AGAP1: variants seen among roughly 807,000 people sequenced by gnomAD.
AGAP1 encodes the protein ArfGAP with GTPase domain, ankyrin repeat and PH domain 1, also known as arf-GAP with GTPase, ANK repeat and PH domain-containing protein 1.
AGAP1 carries 29 observed loss-of-function variants against 105.3 expected under a neutral mutation model. The ratio of observed to expected loss-of-function variants is 0.28; its 90% confidence interval spans 0.21 to 0.38. AGAP1 has a LOEUF of 0.38. AGAP1 is among the 10% of genes least tolerant of loss of function. AGAP1 has a pLI of 1.00. For synonymous variants in AGAP1, 509 were observed against 485.9 expected (o/e 1.05, Z -0.63); for missense variants, 998 against 1,165.1 (o/e 0.86, Z 2.09).
chr2:235,791,527 G>A (rs978722553), intron 6 of AGAP1, among the ~76,000 whole-genome samples: 7 of 151,952 alleles, frequency 4.6e-5, no homozygotes, highest in Non-Finnish European at 1.0e-4. Flanking sequence ...TAAACAATAA[G>A]ATGGCACGTT....
intron 6 of AGAP1, among the ~76,000 whole-genome samples, chr2:235,761,007 C>A (rs571741470): frequency 3.3e-5 from 5 of 152,272 alleles, no homozygotes; most frequent in East Asian, 1.9e-4. Context: ...GTGCTCCATA[C>A]GCTACAGATG....
chr2:236,018,637 G>T (rs1378581826), intron 13 of AGAP1, among the ~76,000 whole-genome samples: 1 of 152,188 alleles, frequency 6.6e-6, no homozygotes, highest in African/African-American at 2.4e-5. Context: ...GAAACAAGGG[G>T]GCATTTCTTG....
At chr2:235,849,971 T>C (rs1961999011) in intron 9 of AGAP1, among the ~76,000 whole-genome samples, 1 of 152,210 alleles carries the variant, frequency 6.6e-6, no homozygotes, top group Admixed American at 6.5e-5. Flanking sequence ...GCCTTCTTCA[T>C]AGCCTCTTCC....
chr2:236,033,917 G>A (rs778365835), intron 13 of AGAP1, among the ~76,000 whole-genome samples: 2 of 152,214 alleles, frequency 1.3e-5, no homozygotes, highest in Non-Finnish European at 2.9e-5. Context: ...AATAAATGCT[G>A]ATCAGAGGGA....
At position 235,801,095 on chromosome 2, in the gene AGAP1, C is replaced by G. The variant is rs574660267; in HGVS notation, c.957+1573C>G. 2.0e-3 allele frequency among the ~76,000 whole-genome samples: 301 copies of G among 152,308 alleles called. 2 individuals are homozygous for G. The highest frequency in any genetic ancestry group is 6.8e-3 in the African/African-American group (284 of 41,558). On this transcript the variant is annotated intron_variant, in intron 8 of 17. Transcript: ENST00000304032. This position sits in a 1 kb window ranked among gnomAD's most constrained non-coding sequence, Gnocchi z 6.0. ...AGGCGGTTGCCAGCTGCACACACCC[C>G]CTCGTCCCCAGCCTCCCCTTGCTTT...
intron 6 of AGAP1, among the ~76,000 whole-genome samples, chr2:235,797,254 T>C (rs1467191531): frequency 2.6e-5 from 4 of 152,084 alleles, no homozygotes; most frequent in Non-Finnish European, 5.9e-5. Flanking sequence ...TTAAATGAGA[T>C]AGGTGTGTAT....
chr2:235,997,919 G>A (rs1216867456), intron 13 of AGAP1, among the ~76,000 whole-genome samples: 1 of 152,060 alleles, frequency 6.6e-6, no homozygotes, highest in Non-Finnish European at 1.5e-5. Flanking sequence ...CGGGGTCTCG[G>A]AGGCTGGTGT....
Position 235,620,600 on chromosome 2 carries a change from TC to T in AGAP1, c.164-88577del, listed in dbSNP as rs1049700185. On this transcript the variant is annotated intron_variant, in intron 1 of 17. Coordinates refer to ENST00000304032, the MANE Select transcript of AGAP1 (RefSeq NM_001037131.3). This position sits in a 1 kb window ranked among gnomAD's most constrained non-coding sequence, Gnocchi z 4.5. ...GAGGACCCTCCGTGGCACCTGGCCTTCCTCCCAGCCACAGCCCCTCCTCCTC... is the reference window on the plus strand; with the variant it reads ...GAGGACCCTCCGTGGCACCTGGCCTTCTCCCAGCCACAGCCCCTCCTCCTC... 6.6e-6 allele frequency among the ~76,000 whole-genome samples: 1 copy of T among 152,110 alleles called. No individual in the cohort carries two copies. The highest frequency in any genetic ancestry group is 2.4e-5 in the African/African-American group (1 of 41,444).
Position 236,040,651 on chromosome 2 carries a change from A to G in AGAP1, c.1801-100A>G, listed in dbSNP as rs147266396. ...TGTTTAGAAATTACCCTCGTCCTAC[A>G]TTTGCTCCCAATCTGTTTGATCTTT... On this transcript the variant is annotated intron_variant, in intron 14 of 17. Transcript: ENST00000304032. This position sits in a 1 kb window ranked among gnomAD's most constrained non-coding sequence, Gnocchi z 5.6. 6.5e-5 allele frequency: 72 copies of G among 1,102,274 alleles called. 1 individual carries two copies. Among genetic ancestry groups the G allele is most frequent in the African/African-American group, 4.7e-4 (30 of 64,174 alleles). The allele number at this position is 1,102,274 out of a possible 1,614,324, so 68.3% of individuals were successfully genotyped here.
chr2:235,494,878 G>A, intron 1 of AGAP1, 29 bp downstream of exon 1: 1 of 1,547,114 alleles, frequency 6.5e-7, no homozygotes, highest in Non-Finnish European at 8.7e-7. Flanking sequence ...TGGGGCCTCG[G>A]GAAGGCACGG....
At position 236,095,603 on chromosome 2, in the gene AGAP1, T is replaced by C. The variant is rs2059173026; in HGVS notation, c.2115-24589T>C. On this transcript the variant is annotated intron_variant, in intron 16 of 17. Transcript: ENST00000304032. This position sits in a 1 kb window ranked among gnomAD's most constrained non-coding sequence, Gnocchi z 4.1. ...AAAATCTAACAGGAAATTCTCATGT[T>C]GGTAGATATTGACATAGGCAGTGCT... Among the ~76,000 whole-genome samples, 1 of 152,216 alleles carries C rather than the reference T, an allele frequency of 6.6e-6. No individual in the cohort carries two copies. Among genetic ancestry groups the C allele is most frequent in the Admixed American group, 6.5e-5 (1 of 15,284 alleles).
chr2:236,112,880 C>T (rs972113560), intron 16 of AGAP1, among the ~76,000 whole-genome samples: 1 of 151,954 alleles, frequency 6.6e-6, no homozygotes, highest in African/African-American at 2.4e-5. Flanking sequence ...GATTGGGAGC[C>T]CCCCTGCTTC....
chr2:235,869,369 G>T (rs1339425220), intron 9 of AGAP1, among the ~76,000 whole-genome samples: 1 of 128,882 alleles, frequency 7.8e-6, no homozygotes, highest in Non-Finnish European at 1.6e-5. Flanking sequence ...TGGATCACAA[G>T]GTCAGGAGAT....
rs1032495029 is a variant in AGAP1 at position 235,701,110 on chromosome 2, T to A, written c.164-8069T>A. On this transcript the variant is annotated intron_variant, in intron 1 of 17. Transcript: ENST00000304032. This position sits in a 1 kb window ranked among gnomAD's most constrained non-coding sequence, Gnocchi z 4.1. ...TATTATATACTCTATAATATAGTTA[T>A]ATGTACATATTATATATTATGTATA... is the stretch of plus-strand genomic sequence containing the variant. Among the ~76,000 whole-genome samples the A allele has an allele frequency of 6.8e-6, 1 of 147,248 alleles. No homozygotes were observed. The highest frequency in any genetic ancestry group is 1.5e-5 in the Non-Finnish European group (1 of 67,256).
At chr2:235,903,666 A>G (rs535542752) in intron 10 of AGAP1, among the ~76,000 whole-genome samples, 1 of 152,352 alleles carries the variant, frequency 6.6e-6, no homozygotes, top group East Asian at 1.9e-4. Flanking sequence ...AGAGGCCATC[A>G]GGCACATAGT....
Position 236,046,309 on chromosome 2 carries a change from G to A in AGAP1, c.1892-2750G>A, listed in dbSNP as rs892995262. Among the ~76,000 whole-genome samples the A allele has an allele frequency of 5.3e-5, 8 of 152,308 alleles. No homozygotes were observed. Among genetic ancestry groups the A allele is most frequent in the Admixed American group, 2.0e-4 (3 of 15,304 alleles). On this transcript the variant is annotated intron_variant, in intron 15 of 17. Coordinates refer to ENST00000304032, the MANE Select transcript of AGAP1 (RefSeq NM_001037131.3). The surrounding 1 kb of genome is among the most constrained non-coding windows in gnomAD (Gnocchi z 5.2). ...GTGGTGTGACATGATCAGAGATGCCGTGTTCAGTGGGGCCCTGGCTGCTGT... is the reference window on the plus strand; with the variant it reads ...GTGGTGTGACATGATCAGAGATGCCATGTTCAGTGGGGCCCTGGCTGCTGT...
intron 1 of AGAP1, among the ~76,000 whole-genome samples, chr2:235,564,932 C>T (rs13031253): frequency 8.2e-5 from 12 of 145,954 alleles, no homozygotes; most frequent in Admixed American, 6.1e-4. Context: ...CCACCACTCA[C>T]GGCCAGCTGT....
rs13403697 is a variant in AGAP1, at chr2:235,577,563, G to A, written c.163+82714G>A. On this transcript the variant is annotated intron_variant, in intron 1 of 17. Transcript: ENST00000304032. This position sits in a 1 kb window ranked among gnomAD's most constrained non-coding sequence, Gnocchi z 4.5. ...TGGTCGCTTGCTGGAGTCGGTGGGA[G>A]CTGAGAGTCCCTTGCTGCCCGGAGC... Among the ~76,000 whole-genome samples the A allele has an allele frequency of 0.074, 11,263 of 152,128 alleles. 1,195 individuals carry two copies. The highest frequency in any genetic ancestry group is 0.32 in the East Asian group (1,673 of 5,162).
intron 13 of AGAP1, among the ~76,000 whole-genome samples, chr2:236,026,109 G>A (rs778570013): frequency 2.0e-4 from 31 of 152,212 alleles, no homozygotes; most frequent in Non-Finnish European, 4.4e-4. Flanking sequence ...CATGGAGAGG[G>A]CAGAGGCACC....
Sources: gnomAD v4.1 joint callset for allele counts (sites outside exome capture counted in the v4.1 genomes callset) on GRCh38, gnomAD v4.1.1 for gene constraint, Gnocchi (gnomAD v3.1) non-coding constraint, MANE v1.5 for transcripts, NCBI Gene and HGNC (gene_info 2026-07-23, HGNC 2026-07-21) for gene names.